The following DOT1L variants were observed in gnomAD, a reference collection of about 807,000 sequenced individuals.
DOT1L encodes histone-lysine N-methyltransferase, H3 lysine-79 specific.
DOT1L carries 33 observed loss-of-function variants against 153.3 expected under a neutral mutation model. That is an observed-to-expected ratio of 0.22 (90% CI 0.16 to 0.29). The LOEUF is 0.29. Ranked by LOEUF, DOT1L falls within the 10% of genes least tolerant of loss-of-function variation. The pLI, the probability that DOT1L is intolerant of heterozygous loss-of-function variation, is 1.00. For synonymous variants in DOT1L, 1,135 were observed against 965.1 expected, an observed-to-expected ratio of 1.18 and a Z score of -3.26; for missense variants, 1,847 against 2,119.9, an observed-to-expected ratio of 0.87 and a Z score of 2.53.
chr19:2,167,734 C>CTTTTTT (rs66826356), intron 1 of DOT1L, among the ~76,000 whole-genome samples: 11 of 134,706 alleles, frequency 8.2e-5, no homozygotes, highest in African/African-American at 1.7e-4. Flanking sequence ...CTTTTCTTTT[C>CTTTTTT]TTTTTTTTTT....
chr19:2,204,556 TAG>T lies in DOT1L; in HGVS notation c.787+1779_787+1780del, dbSNP rs2023422959. Among the ~76,000 whole-genome samples, 1 of 152,196 alleles carries T rather than the reference TAG, an allele frequency of 6.6e-6. No homozygotes were observed. The highest frequency in any genetic ancestry group is 2.1e-4 in the South Asian group (1 of 4,834). ...TCCATGGTCCTCGTACCCGCTGCCC[TAG>T]AACGCCTCTTCTGGCTGTTTCTCGC... On this transcript the variant is annotated intron_variant, in intron 9 of 27. Coordinates refer to ENST00000398665, the MANE Select transcript of DOT1L (RefSeq NM_032482.3). The surrounding 1 kb of genome is among the most constrained non-coding windows in gnomAD (Gnocchi z 5.7).
chr19:2,223,154 G>A (rs2024193528), intron 24 of DOT1L, 127 bp from the exon 25 acceptor site: 1 of 998,398 alleles, frequency 1.0e-6, no homozygotes, highest in African/African-American at 1.6e-5. Flanking sequence ...ACTGGCCGCT[G>A]GGCAGGGCAT....
At chr19:2,214,301 C>T in intron 18 of DOT1L, 170 bp from the exon 19 acceptor site, 1 of 1,217,272 alleles carries the variant, frequency 8.2e-7, no homozygotes, top group South Asian at 1.6e-5. Flanking sequence ...GTGGGGGGCC[C>T]CAGTCTCCGC....
Position 2,216,595 on chromosome 19 carries a change from G to A in DOT1L, c.2238G>A (p.Glu746=), listed in dbSNP as rs1319340520. 3 of 1,608,142 alleles carry A rather than the reference G, an allele frequency of 1.9e-6. No homozygotes were observed. The highest frequency in any genetic ancestry group is 1.7e-5 in the Admixed American group (1 of 60,026). Residue 746 remains glutamate, a synonymous_variant, in exon 20 of 28, where the codon GAG becomes GAA. Transcript: ENST00000398665. ...PQYLASPLDQ[E]VVPCTPSHVG... ...ACCTGGCCTCACCCCTGGACCAGGA[G>A]GTGGTGCCCTGTACCCCTAGCCACG...
At chr19:2,173,027 T>C (rs1262566693) in intron 1 of DOT1L, among the ~76,000 whole-genome samples, 1 of 152,066 alleles carries the variant, frequency 6.6e-6, no homozygotes, top group East Asian at 1.9e-4. Context: ...CAGTGTGTTT[T>C]AGTATATTCA....
chr19:2,225,785 G>A (rs1441974703), intron 26 of DOT1L, among the ~76,000 whole-genome samples: 1 of 152,160 alleles, frequency 6.6e-6, no homozygotes, highest in Non-Finnish European at 1.5e-5. Context: ...CCCCCCGAGT[G>A]GTGCCTGCGT....
intron 9 of DOT1L, 85 bp from the exon 10 acceptor site, chr19:2,206,644 A>G (rs2144810793): frequency 1.1e-5 from 15 of 1,380,452 alleles, no homozygotes; most frequent in South Asian, 2.3e-5. Context: ...GTTCCGTGTC[A>G]TTGTTCCTTC....
chr19:2,164,585 A>AGCCC (rs775673264), intron 1 of DOT1L: 6 of 210,324 alleles, frequency 2.9e-5, no homozygotes, highest in South Asian at 1.9e-4. Flanking sequence ...TTTGACTGGA[A>AGCCC]GCCCGCCCGC....
intron 3 of DOT1L, chr19:2,188,355 G>A (rs1271317042): frequency 5.3e-5 from 8 of 152,352 alleles, no homozygotes; most frequent in African/African-American, 1.9e-4. Context: ...GGGAGCAGGG[G>A]TGTGATTGTT....
intron 1 of DOT1L, among the ~76,000 whole-genome samples, chr19:2,166,916 C>G (rs980822867): frequency 1.3e-5 from 2 of 152,184 alleles, no homozygotes; most frequent in African/African-American, 4.8e-5. Context: ...CTGGCCTTAC[C>G]TGTAGTTCTG....
At position 2,217,041 on chromosome 19, in the gene DOT1L, C is replaced by G. The variant is rs1599604773; in HGVS notation, c.2495C>G (p.Pro832Arg). 6.2e-7 allele frequency: 1 copy of G among 1,612,402 alleles called. No homozygotes were observed. Among genetic ancestry groups the G allele is most frequent in the Middle Eastern group, 1.7e-4 (1 of 6,060 alleles). Reference sequence around the variant, plus strand: ...AAGCTGAGCCCTCAGGACCCGCGGCCCCTGTCCCCTGGGGCCTTGCAGCTT... The same window carrying G: ...AAGCTGAGCCCTCAGGACCCGCGGCGCCTGTCCCCTGGGGCCTTGCAGCTT... Reference protein sequence around the residue: ...SMKLSPQDPRPLSPGALQLAG... With the variant: ...SMKLSPQDPRRLSPGALQLAG... The change falls in exon 21 of 28, where the codon CCC becomes CGC. Residue 832 changes from proline to arginine, a missense_variant. By Grantham distance (103) the Pro-to-Arg change is moderately radical. This residue lies in a region of DOT1L where 281 missense variants were observed against 263.6 expected (regional missense o/e 1.07). Transcript: ENST00000398665. The surrounding 1 kb of genome is among the most constrained non-coding windows in gnomAD (Gnocchi z 7.3).
chr19:2,208,916 T>C lies in DOT1L; in HGVS notation c.964-19T>C. The C allele has an allele frequency of 6.2e-7, 1 of 1,611,024 alleles. No homozygotes were observed. Among genetic ancestry groups the C allele is most frequent in the Non-Finnish European group, 8.5e-7 (1 of 1,178,494 alleles). On this transcript the variant is annotated intron_variant, in intron 11 of 27. Transcript: ENST00000398665. This position sits in a 1 kb window ranked among gnomAD's most constrained non-coding sequence, Gnocchi z 4.4. ...GATTGGGACTCCCTTCTAATCAGGGTTCTCTTTCTTCTTTTTAGCTTGAAA... is the reference window on the plus strand; with the variant it reads ...GATTGGGACTCCCTTCTAATCAGGGCTCTCTTTCTTCTTTTTAGCTTGAAA...
intron 19 of DOT1L, 83 bp downstream of exon 19, chr19:2,214,679 T>C (rs2023836048): frequency 1.3e-6 from 2 of 1,538,028 alleles, no homozygotes; most frequent in African/African-American, 2.7e-5. Flanking sequence ...CCTAGGGTGG[T>C]TGCGGTTGCA....
At chr19:2,214,815 C>T (rs899939627) in intron 19 of DOT1L, 33 of 583,216 alleles carry the variant, frequency 5.7e-5, no homozygotes, top group African/African-American at 4.0e-4. Context: ...GGGGGCATCT[C>T]GGGATTGCTT....
intron 1 of DOT1L, chr19:2,164,548 G>C (rs1364381078): frequency 1.1e-5 from 3 of 272,812 alleles, no homozygotes; most frequent in African/African-American, 4.4e-5. Context: ...GGCGCGGAAC[G>C]GAAGGGGTAA....
intron 12 of DOT1L, among the ~76,000 whole-genome samples, chr19:2,209,218 C>G (rs1226013089): frequency 6.6e-6 from 1 of 152,094 alleles, no homozygotes; most frequent in Non-Finnish European, 1.5e-5. Context: ...GCCCTTTTCT[C>G]TCACCATTCA....
In DOT1L at chr19:2,220,588, C is replaced by G. The variant is rs796755771; in HGVS notation, c.2806+366C>G. ...ACAGCAGTGCCCAATGGCACACGACCGTGGGCCTCCGTGCTGGTAGCGGCA... is the reference window on the plus strand; with the variant it reads ...ACAGCAGTGCCCAATGGCACACGACGGTGGGCCTCCGTGCTGGTAGCGGCA... On this transcript the variant is annotated intron_variant, in intron 23 of 27. Transcript: ENST00000398665. This position sits in a 1 kb window ranked among gnomAD's most constrained non-coding sequence, Gnocchi z 4.5. The G allele has an allele frequency of 6.5e-6, 3 of 458,272 alleles. No individual in the cohort carries two copies. The highest frequency in any genetic ancestry group is 1.3e-5 in the Non-Finnish European group (3 of 227,058). 28.4% of individuals were successfully genotyped at this position (458,272 alleles called of 1,614,324 possible).
intron 1 of DOT1L, among the ~76,000 whole-genome samples, chr19:2,173,117 CAG>C (rs2021734101): frequency 6.6e-6 from 1 of 152,212 alleles, no homozygotes; most frequent in Non-Finnish European, 1.5e-5. Flanking sequence ...CCTCAGCAGT[CAG>C]TGCTGGTCTC....
chr19:2,202,922 CTTT>C (rs1254084110), intron 9 of DOT1L, 143 bp downstream of exon 9: 2 of 694,090 alleles, frequency 2.9e-6, no homozygotes, highest in African/African-American at 3.6e-5. Flanking sequence ...TTCCTTTATG[CTTT>C]TTTTTCTTTT....
Sources: gnomAD v4.1 joint callset for allele counts (sites outside exome capture counted in the v4.1 genomes callset) on GRCh38, gnomAD v4.1.1 for gene constraint, gnomAD v4.1.1 regional missense constraint, Gnocchi (gnomAD v3.1) non-coding constraint, MANE v1.5 for transcripts, NCBI Gene and HGNC (gene_info 2026-07-23, HGNC 2026-07-21) for gene names.